The following RPN2 variants were observed in gnomAD, a reference collection of about 807,000 sequenced individuals.
RPN2 encodes the protein ribophorin II, also known as dolichyl-diphosphooligosaccharide--protein glycosyltransferase subunit 2.
In RPN2, 29 loss-of-function variants were observed where a neutral mutation model predicts 71.4. The observed-to-expected ratio is 0.41, with a 90% CI of 0.30 to 0.55. RPN2 has a LOEUF of 0.55. Ranked by LOEUF, RPN2 falls within the 20% of genes least tolerant of loss-of-function variation. RPN2 has a pLI of 0.35. For synonymous variants in RPN2, 308 were observed against 305.0 expected (o/e 1.01, Z -0.10); for missense variants, 726 against 774.1 (o/e 0.94, Z 0.74).
At chr20:37,232,424 G>A (rs549683010) in intron 14 of RPN2, 33 bp downstream of exon 14, 63 of 1,612,030 alleles carry the variant, frequency 3.9e-5, no homozygotes, top group South Asian at 2.6e-4. Flanking sequence ...GGCAGCATGC[G>A]TCTGGCGCCA....
At chr20:37,179,815 C>G (rs957536219) in intron 1 of RPN2, among the ~76,000 whole-genome samples, 5 of 152,228 alleles carry the variant, frequency 3.3e-5, no homozygotes, top group Non-Finnish European at 7.3e-5. Context: ...TCACTTCTCT[C>G]TGGGAGCCTG....
intron 6 of RPN2, among the ~76,000 whole-genome samples, chr20:37,205,912 A>G (rs2067501006): frequency 6.6e-6 from 1 of 152,236 alleles, no homozygotes; most frequent in Non-Finnish European, 1.5e-5. Flanking sequence ...TTTATTTCCA[A>G]GCTGCTGCTA....
chr20:37,217,304 T>TTATTATTATTATTATTC (rs564725876), intron 9 of RPN2, among the ~76,000 whole-genome samples: 3 of 144,056 alleles, frequency 2.1e-5, no homozygotes, highest in African/African-American at 7.5e-5. Flanking sequence ...TATTATTCTT[T>TTATTATTATTATTATTC]TTTTTTTGAA....
At chr20:37,231,162 G>A (rs2068232519) in intron 13 of RPN2, among the ~76,000 whole-genome samples, 1 of 152,068 alleles carries the variant, frequency 6.6e-6, no homozygotes, top group Non-Finnish European at 1.5e-5. Flanking sequence ...TAGCAGGGTG[G>A]TCATGGCCCT....
intron 2 of RPN2, among the ~76,000 whole-genome samples, chr20:37,194,940 A>G (rs1370993654): frequency 6.6e-6 from 1 of 151,950 alleles, no homozygotes; most frequent in Non-Finnish European, 1.5e-5. Context: ...GATGAGAGAG[A>G]TTTGCGGTCT....
rs1266508956 is a variant in RPN2 at position 37,207,326 on chromosome 20, C to G, written c.744C>G (p.Ser248=). 2.5e-6 allele frequency: 4 copies of G among 1,614,056 alleles called. No individual in the cohort carries two copies. In the Admixed American group the frequency reaches 6.7e-5, roughly 27 times the overall value. ...TCTTCAGCAAGAAGAACTTTGAGTC[C>G]CTCTCCGAAGCCTTCAGCGTGGCCT... ...NAIFSKKNFE[S]LSEAFSVASA... is the part of the protein sequence containing the mutation. Residue 248 remains serine, a synonymous_variant, in exon 7 of 17, where the codon TCC becomes TCG. Coordinates refer to ENST00000237530, the MANE Select transcript of RPN2 (RefSeq NM_002951.5).
intron 11 of RPN2, among the ~76,000 whole-genome samples, chr20:37,227,452 G>A (rs1342979256): frequency 6.6e-6 from 1 of 152,188 alleles, no homozygotes; most frequent in Non-Finnish European, 1.5e-5. Context: ...GTGATAGGAA[G>A]GAGATCTGGC....
At chr20:37,235,646 A>T (rs1418009277) in intron 15 of RPN2, among the ~76,000 whole-genome samples, 1 of 151,964 alleles carries the variant, frequency 6.6e-6, no homozygotes, top group African/African-American at 2.4e-5. Context: ...TTTATTTTTT[A>T]TTTTTATTTT....
chr20:37,215,798 GTT>G (rs1479383583), intron 9 of RPN2, among the ~76,000 whole-genome samples: 1 of 152,026 alleles, frequency 6.6e-6, no homozygotes, highest in Non-Finnish European at 1.5e-5. Context: ...AAGGTATCTT[GTT>G]TTAATGTCTT....
chr20:37,232,181 C>T (rs2068265614), intron 13 of RPN2, 115 bp from the exon 14 acceptor site: 2 of 1,317,270 alleles, frequency 1.5e-6, no homozygotes, highest in South Asian at 2.4e-5. Context: ...AGGTTTTAGC[C>T]TCTGGGCGGC....
chr20:37,210,445 A>C (rs150937928), intron 8 of RPN2, among the ~76,000 whole-genome samples: 3,247 of 152,154 alleles, frequency 0.021, 51 homozygotes, highest in Middle Eastern at 0.034. Context: ...AATAATGTTT[A>C]TTATAGGAAA....
At chr20:37,207,478 C>T (rs539363358) in intron 7 of RPN2, 29 bp downstream of exon 7, 31 of 1,607,674 alleles carry the variant, frequency 1.9e-5, no homozygotes, top group South Asian at 4.4e-5. Flanking sequence ...AAGTGTGCCC[C>T]TCTGATTATC....
At chr20:37,233,379 A>T (rs890817016) in intron 14 of RPN2, among the ~76,000 whole-genome samples, 2 of 151,960 alleles carry the variant, frequency 1.3e-5, no homozygotes, top group Non-Finnish European at 2.9e-5. Context: ...TTTTCAAATT[A>T]TAAACAAACA....
At chr20:37,214,962 A>G (rs2067772442) in intron 9 of RPN2, among the ~76,000 whole-genome samples, 2 of 152,142 alleles carry the variant, frequency 1.3e-5, no homozygotes, top group South Asian at 4.1e-4. Flanking sequence ...CATTCCTTCT[A>G]CATTTTAAAA....
chr20:37,228,562 C>A lies in RPN2; in HGVS notation c.1312C>A (p.Leu438Ile), dbSNP rs2068142415. 6.2e-7 allele frequency: 1 copy of A among 1,613,982 alleles called. No individual in the cohort carries two copies. Residue 438 changes from leucine (L) to isoleucine (I), a missense_variant, in exon 12 of 17, where the codon CTC (leucine) becomes ATC (isoleucine). By Grantham distance (5) the Leu-to-Ile change is conservative. Coordinates refer to ENST00000237530, the MANE Select transcript of RPN2 (RefSeq NM_002951.5). The stretch of plus-strand genomic sequence containing the variant: ...TTCTTCCATCTAGACATTTGTCCGA[C>A]TCCATAACCAGAAGACTGGCCAGGA... Reference protein sequence around the residue: ...ELTPHQTFVRLHNQKTGQEVV... With the variant: ...ELTPHQTFVRIHNQKTGQEVV...
intron 2 of RPN2, among the ~76,000 whole-genome samples, chr20:37,195,265 C>T (rs533347612): frequency 6.6e-6 from 1 of 152,292 alleles, no homozygotes; most frequent in East Asian, 1.9e-4. Flanking sequence ...GTCCCTGCTT[C>T]TGCTGCTGTG....
chr20:37,212,805 G>A (rs191403035), intron 8 of RPN2, among the ~76,000 whole-genome samples: 2 of 152,144 alleles, frequency 1.3e-5, no homozygotes, highest in East Asian at 3.9e-4. Flanking sequence ...TGTTAAATTA[G>A]GTAATAAGTT....
intron 2 of RPN2, among the ~76,000 whole-genome samples, chr20:37,188,281 G>T (rs1236923409): frequency 6.6e-6 from 1 of 151,792 alleles, no homozygotes; most frequent in African/African-American, 2.4e-5. Context: ...CGATTCCCCT[G>T]CCTCAGCCTC....
chr20:37,197,747 C>T (rs543835006), intron 2 of RPN2, among the ~76,000 whole-genome samples: 45 of 152,138 alleles, frequency 3.0e-4, no homozygotes, highest in Admixed American at 5.2e-4. Context: ...CACAGGCATG[C>T]GCCACCTGCT....
Sources: allele counts gnomAD v4.1 joint callset (sites outside exome capture counted in the v4.1 genomes callset), GRCh38; gene constraint gnomAD v4.1.1; transcripts MANE v1.5; gene names NCBI Gene and HGNC (gene_info 2026-07-23, HGNC 2026-07-21).